SLC4A3: variants seen among roughly 807,000 people sequenced by gnomAD.
The protein encoded by SLC4A3 is anion exchange protein 3.
In SLC4A3, 47 loss-of-function variants were observed where a neutral mutation model predicts 114.2. The ratio of observed to expected loss-of-function variants is 0.41; its 90% CI spans 0.33 to 0.52. The LOEUF is 0.52. SLC4A3 is among the 20% of genes least tolerant of loss of function. The pLI, the probability that SLC4A3 is intolerant of heterozygous loss-of-function variation, is 0.21. For synonymous variants in SLC4A3, 693 were observed against 710.3 expected (o/e 0.98, Z 0.39); for missense variants, 1,312 against 1,668.3 (o/e 0.79, Z 3.72).
chr2:219,634,645 C>G (rs780963129), intron 12 of SLC4A3, 41 bp downstream of exon 12: 4 of 1,588,730 alleles, frequency 2.5e-6, no homozygotes, highest in Non-Finnish European at 2.6e-6. Flanking sequence ...TCTCCTAGGC[C>G]CTGCTTACCC....
At position 219,637,554 on chromosome 2, in the gene SLC4A3, C is replaced by T. The variant is rs970059423; in HGVS notation, c.2536-27C>T. The T allele has an allele frequency of 9.2e-6, 12 of 1,305,494 alleles. No individual in the cohort carries two copies. Among genetic ancestry groups the T allele is most frequent in the Non-Finnish European group, 1.2e-5 (11 of 929,348 alleles). The allele number at this position is 1,305,494 out of a possible 1,614,324, so 80.9% of individuals were successfully genotyped here. ...GTCAGGTCACCTGCCAGGTGAGTGACAAGGCATCCTTGTTATCCACACACA... is the reference window on the plus strand; with the variant it reads ...GTCAGGTCACCTGCCAGGTGAGTGATAAGGCATCCTTGTTATCCACACACA... On this transcript the variant is annotated intron_variant, in intron 16 of 22. Coordinates refer to ENST00000358055, the MANE Select transcript of SLC4A3 (RefSeq NM_005070.4). This position sits in a 1 kb window ranked among gnomAD's most constrained non-coding sequence, Gnocchi z 4.6.
In SLC4A3 at chr2:219,631,952, C is replaced by A; in HGVS notation, c.812-16C>A. 1 of 1,579,722 alleles carries A rather than the reference C, an allele frequency of 6.3e-7. No individual in the cohort carries two copies. Among genetic ancestry groups the A allele is most frequent in the South Asian group, 1.1e-5 (1 of 87,284 alleles). ...CAGCTGGACCTGTGGGACCCCCAAGCCCATCTTCTCTGCAGGTCACCGACT... is the reference window on the plus strand; with the variant it reads ...CAGCTGGACCTGTGGGACCCCCAAGACCATCTTCTCTGCAGGTCACCGACT... On this transcript the variant is annotated splice_polypyrimidine_tract_variant and intron_variant, in intron 6 of 22. Coordinates refer to ENST00000358055, the MANE Select transcript of SLC4A3 (RefSeq NM_005070.4). The surrounding 1 kb of genome is among the most constrained non-coding windows in gnomAD (Gnocchi z 6.3).
In SLC4A3 at chr2:219,641,616, T is replaced by C. The variant is rs779543711; in HGVS notation, c.3622-35T>C. The C allele has an allele frequency of 1.7e-5, 26 of 1,566,690 alleles. No individual in the cohort carries two copies. In the East Asian group the frequency reaches 5.4e-4, roughly 32 times the overall value. ...GAGAATGGGAGGGGACGAGCATGCTTCCCTGCCTTCCCCAACCTTCTGTTC... is the reference window on the plus strand; with the variant it reads ...GAGAATGGGAGGGGACGAGCATGCTCCCCTGCCTTCCCCAACCTTCTGTTC... On this transcript the variant is annotated intron_variant, in intron 22 of 22. Coordinates refer to ENST00000358055, the MANE Select transcript of SLC4A3 (RefSeq NM_005070.4). This position sits in a 1 kb window ranked among gnomAD's most constrained non-coding sequence, Gnocchi z 4.0.
chr2:219,629,074 G>A lies in SLC4A3; in HGVS notation c.218-70G>A, dbSNP rs1698821983. Reference sequence around the variant, plus strand: ...TGTTTGCGGCCTTGAGCTGGAAGGTGTGTGCCCTCGGGTGGGGAGGGCCCC... The same window carrying A: ...TGTTTGCGGCCTTGAGCTGGAAGGTATGTGCCCTCGGGTGGGGAGGGCCCC... On this transcript the variant is annotated intron_variant, in intron 3 of 22. Coordinates refer to ENST00000358055, the MANE Select transcript of SLC4A3 (RefSeq NM_005070.4). 2.7e-6 allele frequency: 4 copies of A among 1,493,170 alleles called. No homozygotes were observed. In the South Asian group the frequency reaches 5.3e-5, roughly 20 times the overall value. The allele number at this position is 1,493,170 out of a possible 1,614,324, so 92.5% of individuals were successfully genotyped here.
In SLC4A3 at chr2:219,632,411, C is replaced by A. The variant is rs779815005; in HGVS notation, c.1110C>A (p.Ser370Arg). 6.2e-7 allele frequency: 1 copy of A among 1,606,496 alleles called. No homozygotes were observed. The highest frequency in any genetic ancestry group is 8.5e-7 in the Non-Finnish European group (1 of 1,176,196). The part of the protein sequence containing the change: ...KPHVASLSFR[S>R]LLELRRTIAH... ...ATGTTGCCTCGCTCTCCTTCCGTAG[C>A]CTTCTGGAGCTCAGGAGGACCATCG... is the stretch of plus-strand genomic sequence containing the variant. Residue 370 changes from serine to arginine, a missense_variant, in exon 8 of 23, where the codon AGC (serine) becomes AGA (arginine). Transcript: ENST00000358055.
Position 219,641,452 on chromosome 2 carries a change from G to A in SLC4A3, c.3622-199G>A, listed in dbSNP as rs1699323516. ...TAATAATCATTATTATTATCACCAG[G>A]AGGGGCCAGGTATCTGGTCTGGGAG... On this transcript the variant is annotated intron_variant, in intron 22 of 22. Transcript: ENST00000358055. This position sits in a 1 kb window ranked among gnomAD's most constrained non-coding sequence, Gnocchi z 4.0. Among the ~76,000 whole-genome samples, 1 of 152,182 alleles carries A rather than the reference G, an allele frequency of 6.6e-6. No homozygotes were observed. The highest frequency in any genetic ancestry group is 2.4e-5 in the African/African-American group (1 of 41,436).
In SLC4A3 at chr2:219,636,462, C is replaced by T; in HGVS notation, c.2340+12C>T. 6.3e-7 allele frequency: 1 copy of T among 1,593,136 alleles called. No individual in the cohort carries two copies. The highest frequency in any genetic ancestry group is 8.5e-7 in the Non-Finnish European group (1 of 1,170,600). On this transcript the variant is annotated intron_variant, in intron 15 of 22. Transcript: ENST00000358055. This position sits in a 1 kb window ranked among gnomAD's most constrained non-coding sequence, Gnocchi z 5.5. ...AAGCCTTCTTCAAGGTGAGGCGAAG[C>T]CTTGCCCTGCTCCATCCATCCTGCC... is the stretch of plus-strand genomic sequence containing the variant.
chr2:219,627,827 G>A, intron 1 of SLC4A3, 73 bp from the exon 2 acceptor site: 1 of 570,850 alleles, frequency 1.8e-6, no homozygotes, highest in Non-Finnish European at 3.0e-6. Context: ...GGGCGCTTGG[G>A]CCGGGAGCGT....
Position 219,629,314 on chromosome 2 carries a change from G to A in SLC4A3, c.388G>A (p.Gly130Arg), listed in dbSNP as rs372011999. Residue 130 changes from glycine (G) to arginine (R), a missense_variant, in exon 4 of 23, where the codon GGG (glycine) becomes AGG (arginine). Around this residue, in one of 4 missense-constraint regions of SLC4A3, gnomAD observed 236 missense variants for 212.1 expected, o/e 1.11. Coordinates refer to ENST00000358055, the MANE Select transcript of SLC4A3 (RefSeq NM_005070.4). ...GGGGACCCCTCCCATCCAGGAGGAGGGGGGAGCTGGAGTGGATGAGGAAGA... is the reference window on the plus strand; with the variant it reads ...GGGGACCCCTCCCATCCAGGAGGAGAGGGGAGCTGGAGTGGATGAGGAAGA... ...SEGTPPIQEE[G>R]GAGVDEEEEE... is the part of the protein sequence containing the mutation. The A allele has an allele frequency of 1.2e-6, 2 of 1,613,430 alleles. No individual in the cohort carries two copies. The highest frequency in any genetic ancestry group is 1.7e-6 in the Non-Finnish European group (2 of 1,179,684).
rs1699229027 is a variant in SLC4A3 at position 219,639,094 on chromosome 2, T to C, written c.3023+225T>C. 1.3e-5 allele frequency among the ~76,000 whole-genome samples: 2 copies of C among 152,128 alleles called. No individual in the cohort carries two copies. Among genetic ancestry groups the C allele is most frequent in the African/African-American group, 4.8e-5 (2 of 41,500 alleles). On this transcript the variant is annotated intron_variant, in intron 19 of 22. Transcript: ENST00000358055. The surrounding 1 kb of genome is among the most constrained non-coding windows in gnomAD (Gnocchi z 5.9). ...AGTGGCATCCGGGGCAGGGGCATGG[T>C]TTCCCCGTGATGGTTTGACATGACA...
rs754894166 is a variant in SLC4A3 at position 219,631,941 on chromosome 2, G to A, written c.812-27G>A. On this transcript the variant is annotated intron_variant, in intron 6 of 22. Transcript: ENST00000358055. The surrounding 1 kb of genome is among the most constrained non-coding windows in gnomAD (Gnocchi z 6.3). ...CCCGAGGGCCCCAGCTGGACCTGTG[G>A]GACCCCCAAGCCCATCTTCTCTGCA... 1 of 1,560,968 alleles carries A rather than the reference G, an allele frequency of 6.4e-7. No homozygotes were observed. Among genetic ancestry groups the A allele is most frequent in the Admixed American group, 2.0e-5 (1 of 51,190 alleles).
In SLC4A3 at chr2:219,631,050, T is replaced by G. The variant is rs1698900715; in HGVS notation, c.811+698T>G. On this transcript the variant is annotated intron_variant, in intron 6 of 22. Coordinates refer to ENST00000358055, the MANE Select transcript of SLC4A3 (RefSeq NM_005070.4). This position sits in a 1 kb window ranked among gnomAD's most constrained non-coding sequence, Gnocchi z 6.3. The stretch of plus-strand genomic sequence containing the variant: ...GCAGGATGGGGGGTGGGGGAGGGCG[T>G]GTTTACAGACCCAGGGTGGGGGCTG... 6 of 928,546 alleles carry G rather than the reference T, an allele frequency of 6.5e-6. No homozygotes were observed. The highest frequency in any genetic ancestry group is 4.9e-5 in the Admixed American group (1 of 20,368). 57.5% of individuals were successfully genotyped at this position (928,546 alleles called of 1,614,324 possible).
rs988955779 is a variant in SLC4A3 at position 219,641,874 on chromosome 2, C to T, written c.*146C>T. ...TCCTGATGCCATGGCTAGAGTGGCCCCCCTGACTTCTGCCCGGGGTGTTGA... is the reference window on the plus strand; with the variant it reads ...TCCTGATGCCATGGCTAGAGTGGCCTCCCTGACTTCTGCCCGGGGTGTTGA... On this transcript the variant is annotated 3_prime_UTR_variant, in exon 23 of 23. Transcript: ENST00000358055. The surrounding 1 kb of genome is among the most constrained non-coding windows in gnomAD (Gnocchi z 4.0). The T allele has an allele frequency of 1.6e-6, 1 of 643,510 alleles. No individual in the cohort carries two copies. 39.9% of individuals were successfully genotyped at this position (643,510 alleles called of 1,614,324 possible).
intron 12 of SLC4A3, 130 bp downstream of exon 12, chr2:219,634,734 G>C: frequency 1.0e-6 from 1 of 975,956 alleles, no homozygotes; most frequent in South Asian, 1.7e-5. Flanking sequence ...GCCCTGGAGG[G>C]TGGTGGGGGG....
chr2:219,638,981 G>A lies in SLC4A3; in HGVS notation c.3023+112G>A. The A allele has an allele frequency of 8.8e-7, 1 of 1,136,590 alleles. No individual in the cohort carries two copies. The highest frequency in any genetic ancestry group is 1.3e-6 in the Non-Finnish European group (1 of 782,640). 70.4% of individuals were successfully genotyped at this position (1,136,590 alleles called of 1,614,324 possible). On this transcript the variant is annotated intron_variant, in intron 19 of 22. Coordinates refer to ENST00000358055, the MANE Select transcript of SLC4A3 (RefSeq NM_005070.4). This position sits in a 1 kb window ranked among gnomAD's most constrained non-coding sequence, Gnocchi z 7.5. ...CATTATCAGTATCAGGGTGCTGGGT[G>A]GTGGGAGCTGGTGGCAATCCTTGAG...
Position 219,636,328 on chromosome 2 carries a change from G to T in SLC4A3, c.2218G>T (p.Val740Leu). The T allele has an allele frequency of 6.2e-7, 1 of 1,613,832 alleles. No individual in the cohort carries two copies. The highest frequency in any genetic ancestry group is 8.5e-7 in the Non-Finnish European group (1 of 1,179,944). Residue 740 changes from valine to leucine, a missense_variant, in exon 15 of 23, where the codon GTG becomes TTG. This residue lies in a region of SLC4A3 where 771 missense variants were observed against 977.7 expected (regional missense o/e 0.79). Coordinates refer to ENST00000358055, the MANE Select transcript of SLC4A3 (RefSeq NM_005070.4). This position sits in a 1 kb window ranked among gnomAD's most constrained non-coding sequence, Gnocchi z 5.5. ...AGAGAAGACCGAGGGGCTGATGGGCGTGTCCGAGCTGATCGTGTCCACCGC... is the reference window on the plus strand; with the variant it reads ...AGAGAAGACCGAGGGGCTGATGGGCTTGTCCGAGCTGATCGTGTCCACCGC... ...LGEKTEGLMG[V>L]SELIVSTAVL...
chr2:219,636,871 C>T lies in SLC4A3; in HGVS notation c.2532C>T (p.Tyr844=), dbSNP rs148142250. The T allele has an allele frequency of 7.6e-5, 123 of 1,612,876 alleles. No homozygotes were observed. The highest frequency in any genetic ancestry group is 9.3e-5 in the Non-Finnish European group (110 of 1,179,188). ...TCTACGAGACCTTCTACAAGCTCTA[C>T]AAGGTGGAGGTCCAGCGAGGTCTTG... ...IFIYETFYKL[Y]KVFTEHPLLP... Residue 844 remains tyrosine (Y), a synonymous_variant, in exon 16 of 23, where the codon TAC becomes TAT. Transcript: ENST00000358055. The surrounding 1 kb of genome is among the most constrained non-coding windows in gnomAD (Gnocchi z 5.5).
At position 219,628,187 on chromosome 2, in the gene SLC4A3, G is replaced by A; in HGVS notation, c.51+144G>A. 2 of 820,622 alleles carry A rather than the reference G, an allele frequency of 2.4e-6. No homozygotes were observed. The highest frequency in any genetic ancestry group is 3.7e-5 in the South Asian group (2 of 53,458). The allele number at this position is 820,622 out of a possible 1,614,324, so 50.8% of individuals were successfully genotyped here. On this transcript the variant is annotated intron_variant, in intron 2 of 22. Coordinates refer to ENST00000358055, the MANE Select transcript of SLC4A3 (RefSeq NM_005070.4). The surrounding 1 kb of genome is among the most constrained non-coding windows in gnomAD (Gnocchi z 4.8). ...CTGGGGGTTACGGAGAAAGAGGGGG[G>A]TTTTTGATATTTTCCAGATCCGTAG...
intron 20 of SLC4A3, 29 bp from the exon 21 acceptor site, chr2:219,640,401 G>T: frequency 6.3e-7 from 1 of 1,598,080 alleles, no homozygotes; most frequent in African/African-American, 1.3e-5. Context: ...CTGTCTGAGG[G>T]TCAGGCGGGT....
Sources: allele counts gnomAD v4.1 joint callset (sites outside exome capture counted in the v4.1 genomes callset), GRCh38; gene constraint gnomAD v4.1.1; regional missense constraint gnomAD v4.1.1; non-coding constraint Gnocchi (gnomAD v3.1); transcripts MANE v1.5; gene names NCBI Gene and HGNC (gene_info 2026-07-23, HGNC 2026-07-21).